TRIM16: variants seen among roughly 807,000 people sequenced by gnomAD.
The protein encoded by TRIM16 is tripartite motif containing 16, also known as tripartite motif-containing protein 16.
TRIM16 carries 33 observed loss-of-function variants against 50.4 expected under a neutral mutation model. That is an observed-to-expected ratio of 0.65 (90% confidence interval 0.50 to 0.88). The LOEUF (loss-of-function observed/expected upper bound fraction) is 0.88, where lower values mean the gene tolerates loss of function less well. Ranked by LOEUF, TRIM16 falls within the 40% of genes least tolerant of loss-of-function variation. The pLI is 0.00. For synonymous variants in TRIM16, 229 were observed against 270.7 expected, an observed-to-expected ratio of 0.85 and a Z score of 1.51; for missense variants, 581 against 686.8, an observed-to-expected ratio of 0.85 and a Z score of 1.72.
chr17:15,652,643 TAG>T (rs1987783001), intron 6 of TRIM16, among the ~76,000 whole-genome samples: 1 of 151,768 alleles, frequency 6.6e-6, no homozygotes, highest in African/African-American at 2.4e-5. Flanking sequence ...GTATTATTAG[TAG>T]AGACAGTGTT....
At chr17:15,639,680 G>A (rs1987029018) in intron 8 of TRIM16, among the ~76,000 whole-genome samples, 1 of 149,806 alleles carries the variant, frequency 6.7e-6, no homozygotes, top group Non-Finnish European at 1.5e-5. Context: ...CAGAAAGACT[G>A]CAGGTGGGGA....
chr17:15,676,455 G>A, intron 6 of TRIM16, among the ~76,000 whole-genome samples: 2 of 136,582 alleles, frequency 1.5e-5, no homozygotes, highest in East Asian at 4.4e-4. Flanking sequence ...TTTTTCTTGA[G>A]ATGGAGTCTC....
chr17:15,666,645 T>A (rs1450303743), intron 6 of TRIM16, among the ~76,000 whole-genome samples: 3 of 152,242 alleles, frequency 2.0e-5, no homozygotes, highest in Non-Finnish European at 4.4e-5. Flanking sequence ...TGCTGGAACT[T>A]CATATAAATG....
At chr17:15,669,711 T>C (rs1988646052) in intron 6 of TRIM16, among the ~76,000 whole-genome samples, 1 of 152,244 alleles carries the variant, frequency 6.6e-6, no homozygotes, top group Non-Finnish European at 1.5e-5. Context: ...TAGTTTAACA[T>C]TGCAGCAGGA....
chr17:15,677,855 T>C, intron 4 of TRIM16, 134 bp from the exon 5 acceptor site: 6 of 701,428 alleles, frequency 8.6e-6, no homozygotes, highest in South Asian at 6.4e-5. Flanking sequence ...AATCTTAAAA[T>C]GTGTATACCC....
At chr17:15,661,391 T>G (rs921933702) in intron 6 of TRIM16, among the ~76,000 whole-genome samples, 8 of 152,196 alleles carry the variant, frequency 5.3e-5, no homozygotes, top group Admixed American at 2.6e-4. Flanking sequence ...ATCACCCTCC[T>G]CTCTCTAAAA....
At chr17:15,633,558 G>C (rs1170877369) in intron 9 of TRIM16, among the ~76,000 whole-genome samples, 1 of 68,432 alleles carries the variant, frequency 1.5e-5, no homozygotes, top group Non-Finnish European at 3.0e-5. Flanking sequence ...TTTTTTTTTT[G>C]AGACATAGTC....
At chr17:15,637,256 C>T (rs1211869793) in intron 8 of TRIM16, among the ~76,000 whole-genome samples, 7 of 117,860 alleles carry the variant, frequency 5.9e-5, no homozygotes, top group African/African-American at 2.1e-4. Context: ...CCGCCCCGTC[C>T]GGGAGGTGAG....
intron 9 of TRIM16, among the ~76,000 whole-genome samples, chr17:15,633,617 G>A (rs1986548153): frequency 7.1e-6 from 1 of 140,076 alleles, no homozygotes; most frequent in African/African-American, 2.7e-5. Flanking sequence ...TCGGCTCACT[G>A]CAACCTCTTG....
intron 6 of TRIM16, among the ~76,000 whole-genome samples, chr17:15,664,882 A>G (rs760631617): frequency 1.3e-5 from 2 of 152,062 alleles, no homozygotes; most frequent in Admixed American, 1.3e-4. Context: ...AAATACAAAA[A>G]TTAGCCAGGT....
chr17:15,651,062 A>G, intron 7 of TRIM16, 29 bp downstream of exon 7: 1 of 1,580,736 alleles, frequency 6.3e-7, no homozygotes, highest in Non-Finnish European at 8.6e-7. Flanking sequence ...GCCCTCTCCC[A>G]AATGGATGAA....
At chr17:15,680,393 T>C (rs1989137154) in intron 4 of TRIM16, among the ~76,000 whole-genome samples, 1 of 150,096 alleles carries the variant, frequency 6.7e-6, no homozygotes, top group Admixed American at 6.6e-5. Context: ...CACAGATTTG[T>C]GTACATCTTT....
rs138312221 is a variant in TRIM16 at position 15,655,468 on chromosome 17, C to T, written c.-337-3522G>A. Among the ~76,000 whole-genome samples the T allele has an allele frequency of 1.1e-3, 164 of 152,314 alleles. 1 individual carries two copies. Among genetic ancestry groups the T allele is most frequent in the African/African-American group, 3.6e-3 (148 of 41,556 alleles). ...CAGTTCATGGGAGTGCTCAGCCCTTCATCAATGCCCCACTGAAGTCCTGAG... is the reference window on the plus strand; with the variant it reads ...CAGTTCATGGGAGTGCTCAGCCCTTTATCAATGCCCCACTGAAGTCCTGAG... On this transcript the variant is annotated intron_variant, in intron 6 of 11. Transcript: ENST00000649191.
intron 6 of TRIM16, among the ~76,000 whole-genome samples, chr17:15,662,727 T>A (rs992443558): frequency 6.6e-6 from 1 of 152,186 alleles, no homozygotes; most frequent in Non-Finnish European, 1.5e-5. Context: ...GGGAATACAT[T>A]ATCTACATGA....
At chr17:15,629,569 C>A (rs1301063396) in intron 11 of TRIM16, among the ~76,000 whole-genome samples, 3 of 152,290 alleles carry the variant, frequency 2.0e-5, no homozygotes, top group Non-Finnish European at 4.4e-5. Flanking sequence ...GCAGGTACTC[C>A]TATACCCATA....
In TRIM16 at chr17:15,638,618, C is replaced by T. The variant is rs897463972; in HGVS notation, c.616-2349G>A. Among the ~76,000 whole-genome samples the T allele has an allele frequency of 6.7e-5, 10 of 149,236 alleles. 1 individual carries two copies. The highest frequency in any genetic ancestry group is 2.5e-4 in the African/African-American group (10 of 40,300). ...CACTCCTCCCAATGTTAAGGGCCAG[C>T]TCTGAACATCAGGGCTCCAAAGTGA... On this transcript the variant is annotated intron_variant, in intron 8 of 11. Coordinates refer to ENST00000649191, the MANE Select transcript of TRIM16 (RefSeq NM_001348119.1).
chr17:15,632,893 C>T, intron 9 of TRIM16: 2 of 522,070 alleles, frequency 3.8e-6, no homozygotes, highest in African/African-American at 3.8e-5. Context: ...TTAAAAAAAA[C>T]AAGTGAGAAC....
chr17:15,665,406 G>C (rs1444910720), intron 6 of TRIM16, among the ~76,000 whole-genome samples: 1 of 152,206 alleles, frequency 6.6e-6, no homozygotes, highest in Non-Finnish European at 1.5e-5. Context: ...CTACTCAGGA[G>C]GCTGAGGCAG....
At chr17:15,646,812 G>A (rs1449234149) in intron 7 of TRIM16, among the ~76,000 whole-genome samples, 7 of 152,002 alleles carry the variant, frequency 4.6e-5, no homozygotes, top group Admixed American at 1.3e-4. Flanking sequence ...TGCATGCCTC[G>A]GTCAGCTGCT....
Sources: allele counts gnomAD v4.1 joint callset (sites outside exome capture counted in the v4.1 genomes callset), GRCh38; gene constraint gnomAD v4.1.1; transcripts MANE v1.5; gene names NCBI Gene and HGNC (gene_info 2026-07-23, HGNC 2026-07-21).